Variants in SSPN observed in about 807,000 individuals in gnomAD.
SSPN encodes K-ras oncogene-associated protein.
Under a neutral mutation model 19.1 loss-of-function variants are expected in SSPN, and 15 were observed. That is an observed-to-expected ratio of 0.78 (90% CI 0.52 to 1.21). SSPN has a LOEUF of 1.21. Among genes scored for constraint, SSPN ranks in the 50% most tolerant of loss-of-function variants. The pLI, the probability that SSPN is intolerant of heterozygous loss-of-function variation, is 0.00. For missense variants in SSPN, 291 were observed against 314.0 expected (o/e 0.93, Z 0.55); for synonymous variants, 147 against 140.3 (o/e 1.05, Z -0.34).
In SSPN at chr12:26,219,408, C is replaced by A. The variant is rs117395320; in HGVS notation, c.280-4885C>A. 3.1e-3 allele frequency among the ~76,000 whole-genome samples: 478 copies of A among 152,184 alleles called. 3 individuals are homozygous for A. Among genetic ancestry groups the A allele is most frequent in the Non-Finnish European group, 5.0e-3 (338 of 68,000 alleles). On this transcript the variant is annotated intron_variant, in intron 1 of 2. Coordinates refer to ENST00000242729, the MANE Select transcript of SSPN (RefSeq NM_005086.5). ...TCATAATACAAACCCTCAAAAGACA[C>A]CACTGCAGTTATAATAGGCCAAATA...
At chr12:26,122,900 C>G (rs1018429890) in intron 1 of SSPN, 24 of 1,548,856 alleles carry the variant, frequency 1.5e-5, no homozygotes, top group Non-Finnish European at 2.0e-5. Context: ...GCCCCGCGCG[C>G]TCCAGGCAGG....
chr12:26,211,914 T>A (rs973661146), intron 1 of SSPN, among the ~76,000 whole-genome samples: 1 of 152,200 alleles, frequency 6.6e-6, no homozygotes, highest in South Asian at 2.1e-4. Context: ...TTAGAAAGCA[T>A]GTATCTAGCC....
At chr12:26,160,938 T>C (rs976693136) in intron 1 of SSPN, among the ~76,000 whole-genome samples, 6 of 151,792 alleles carry the variant, frequency 4.0e-5, no homozygotes, top group Non-Finnish European at 8.8e-5. Flanking sequence ...TGAAACCCTG[T>C]CTCTACTAAA....
intron 1 of SSPN, among the ~76,000 whole-genome samples, chr12:26,169,599 T>A (rs1207248946): frequency 6.7e-6 from 1 of 149,554 alleles, no homozygotes. Context: ...ATATATTTTT[T>A]TTTCTTAGTG....
intron 1 of SSPN, among the ~76,000 whole-genome samples, chr12:26,149,260 T>A (rs1944510890): frequency 6.6e-6 from 1 of 151,432 alleles, no homozygotes; most frequent in South Asian, 2.1e-4. Flanking sequence ...TAGAAATGCT[T>A]AATTCCTTGT....
chr12:26,123,914 G>T, intron 1 of SSPN: 1 of 741,462 alleles, frequency 1.3e-6, no homozygotes, highest in Non-Finnish European at 2.4e-6. Context: ...GCCTTCAGCT[G>T]GGAGCACCTA....
chr12:26,234,767 A>T lies in SSPN; in HGVS notation c.*3691A>T, dbSNP rs1945268748. 6.6e-6 allele frequency: 1 copy of T among 152,228 alleles called. No homozygotes were observed. Among genetic ancestry groups the T allele is most frequent in the Non-Finnish European group, 1.5e-5 (1 of 68,042 alleles). 9.4% of individuals were successfully genotyped at this position (152,228 alleles called of 1,614,324 possible). On this transcript the variant is annotated 3_prime_UTR_variant, in exon 3 of 3. Coordinates refer to ENST00000242729, the MANE Select transcript of SSPN (RefSeq NM_005086.5). ...TTTCTTTATTAATAAAATTTTCATA[A>T]TCTCTGAAAACACTGTTTGGACGTG...
chr12:26,199,359 G>T (rs1456998209), intron 1 of SSPN, among the ~76,000 whole-genome samples: 1 of 152,050 alleles, frequency 6.6e-6, no homozygotes, highest in Non-Finnish European at 1.5e-5. Context: ...TTTTTACTTT[G>T]ATTACAAAAG....
intron 2 of SSPN, among the ~76,000 whole-genome samples, chr12:26,228,691 G>C (rs1945201857): frequency 1.3e-5 from 2 of 151,988 alleles, no homozygotes; most frequent in African/African-American, 4.8e-5. Flanking sequence ...GGTCAAGACA[G>C]TTTAATTTGG....
chr12:26,137,638 A>ATGTG (rs1323758064), intron 1 of SSPN, among the ~76,000 whole-genome samples: 38 of 24,588 alleles, frequency 1.5e-3, no homozygotes, highest in Non-Finnish European at 1.8e-3. Context: ...GTGTGTATGT[A>ATGTG]TATATATATA....
At chr12:26,192,172 A>G (rs564725875), upstream of SSPN, among the ~76,000 whole-genome samples, 1 of 152,330 alleles carries the variant, frequency 6.6e-6, no homozygotes, top group Non-Finnish European at 1.5e-5. Flanking sequence ...TTCTCCCCCA[A>G]GAGGATCAAA....
At chr12:26,158,046 T>C (rs1009393312) in intron 1 of SSPN, among the ~76,000 whole-genome samples, 7 of 152,068 alleles carry the variant, frequency 4.6e-5, no homozygotes, top group African/African-American at 1.7e-4. Flanking sequence ...CAACTAGAAA[T>C]GGCGAATAGG....
At chr12:26,148,599 A>G (rs1944507238) in intron 1 of SSPN, among the ~76,000 whole-genome samples, 1 of 152,168 alleles carries the variant, frequency 6.6e-6, no homozygotes. Context: ...GCATTCTATA[A>G]TATTTTAACC....
chr12:26,225,375 T>C (rs1013695567), intron 2 of SSPN, among the ~76,000 whole-genome samples: 1 of 152,122 alleles, frequency 6.6e-6, no homozygotes, highest in Non-Finnish European at 1.5e-5. Context: ...GATACAAACA[T>C]TTACATTATA....
chr12:26,209,465 G>A (rs1180589230), intron 1 of SSPN, among the ~76,000 whole-genome samples: 2 of 151,852 alleles, frequency 1.3e-5, no homozygotes, highest in African/African-American at 2.4e-5. Context: ...TTCTTATCCT[G>A]TCTAGTATGT....
chr12:26,169,423 G>A (rs1346246221), intron 1 of SSPN, among the ~76,000 whole-genome samples: 1 of 152,020 alleles, frequency 6.6e-6, no homozygotes, highest in Non-Finnish European at 1.5e-5. Context: ...CATTATAGAA[G>A]GAATACAAAG....
intron 1 of SSPN, among the ~76,000 whole-genome samples, chr12:26,135,236 T>A (rs1336204990): frequency 6.6e-6 from 1 of 152,104 alleles, no homozygotes; most frequent in Non-Finnish European, 1.5e-5. Flanking sequence ...AAGCTGTGTT[T>A]ACAGGTTTGC....
At chr12:26,160,387 T>C (rs1944580675) in intron 1 of SSPN, among the ~76,000 whole-genome samples, 2 of 152,224 alleles carry the variant, frequency 1.3e-5, no homozygotes, top group Admixed American at 6.5e-5. Flanking sequence ...TCAATTTGCA[T>C]TTTTTCTTTG....
At chr12:26,183,790 T>C (rs1228548220) in intron 1 of SSPN, among the ~76,000 whole-genome samples, 4 of 152,146 alleles carry the variant, frequency 2.6e-5, no homozygotes, top group Admixed American at 6.5e-5. Flanking sequence ...CCACTGCCAG[T>C]CGGAGGGTGA....
Sources: allele counts gnomAD v4.1 joint callset (sites outside exome capture counted in the v4.1 genomes callset), GRCh38; gene constraint gnomAD v4.1.1; transcripts MANE v1.5; gene names NCBI Gene and HGNC (gene_info 2026-07-23, HGNC 2026-07-21).